PPP2R3A: variants seen among roughly 807,000 people sequenced by gnomAD.
PPP2R3A encodes the protein protein phosphatase 2 regulatory subunit B''alpha, also known as serine/threonine-protein phosphatase 2A regulatory subunit B'' subunit alpha.
PPP2R3A carries 80 observed loss-of-function variants against 106.9 expected under a neutral mutation model. The observed-to-expected ratio is 0.75, with a 90% CI of 0.62 to 0.90. The LOEUF is 0.90. Ranked by LOEUF, PPP2R3A falls within the 40% of genes least tolerant of loss-of-function variation. The pLI is 0.00. For synonymous variants in PPP2R3A, 483 were observed against 468.3 expected (o/e 1.03, Z -0.41); for missense variants, 1,386 against 1,350.4 (o/e 1.03, Z -0.41).
intron 5 of PPP2R3A, among the ~76,000 whole-genome samples, chr3:136,049,966 C>T (rs1382496553): frequency 6.6e-6 from 1 of 152,038 alleles, no homozygotes; most frequent in Non-Finnish European, 1.5e-5. Flanking sequence ...GACTACACCA[C>T]CAGACTACAA....
At chr3:135,991,552 A>C (rs1430021132) in intron 1 of PPP2R3A, among the ~76,000 whole-genome samples, 1 of 152,206 alleles carries the variant, frequency 6.6e-6, no homozygotes, top group Admixed American at 6.5e-5. Context: ...ACATGCATTA[A>C]ATATTAATAG....
chr3:136,064,930 G>C (rs1936213599), intron 5 of PPP2R3A, among the ~76,000 whole-genome samples: 1 of 152,040 alleles, frequency 6.6e-6, no homozygotes, highest in Non-Finnish European at 1.5e-5. Flanking sequence ...ATAATCTATA[G>C]AAAATTTTAT....
intron 13 of PPP2R3A, among the ~76,000 whole-genome samples, chr3:136,143,659 A>G (rs530425604): frequency 1.3e-5 from 2 of 151,352 alleles, no homozygotes; most frequent in African/African-American, 4.9e-5. Context: ...GCATGGTGGC[A>G]CATGCCTGTA....
In PPP2R3A at chr3:136,103,416, G is replaced by A. The variant is rs112124774; in HGVS notation, c.3222+40G>A. ...TTAACTTTTATTTGAGGGCTGCAGT[G>A]TCAGGGGCTGTGTGTGCTACATATT... On this transcript the variant is annotated intron_variant, in intron 12 of 13. Transcript: ENST00000264977. 9,463 of 1,389,692 alleles carry A rather than the reference G, an allele frequency of 6.8e-3. 473 individuals carry two copies. The African/African-American group carries it at 0.11, about 17-fold the overall frequency. 86.1% of individuals were successfully genotyped at this position (1,389,692 alleles called of 1,614,324 possible). A position where few individuals can be genotyped will look rare whatever the true frequency, so the allele number is the denominator to read the frequency against.
intron 13 of PPP2R3A, among the ~76,000 whole-genome samples, chr3:136,126,546 A>C (rs1330874431): frequency 6.6e-6 from 1 of 152,128 alleles, no homozygotes; most frequent in Non-Finnish European, 1.5e-5. Flanking sequence ...TCTAGACTCC[A>C]CCTCTATGGG....
chr3:136,075,886 T>C (rs1460181675), intron 6 of PPP2R3A, among the ~76,000 whole-genome samples: 1 of 152,220 alleles, frequency 6.6e-6, no homozygotes, highest in African/African-American at 2.4e-5. Flanking sequence ...ATCAAATTCT[T>C]AATGTTTATT....
intron 13 of PPP2R3A, among the ~76,000 whole-genome samples, chr3:136,131,994 A>C (rs936196588): frequency 8.1e-6 from 1 of 123,524 alleles, no homozygotes; most frequent in South Asian, 3.1e-4. Flanking sequence ...GGGGAACATC[A>C]CACACCAGGG....
rs369818123 is a variant in PPP2R3A, at chr3:136,108,214, C to A, written c.3329+1892C>A. ...GCCTGCAGAGCTAGCTAGACCCTGA[C>A]ACACACACACACAGCAAGTGTGGAT... On this transcript the variant is annotated intron_variant, in intron 13 of 13. Transcript: ENST00000264977. Among the ~76,000 whole-genome samples, 3 of 151,756 alleles carry A rather than the reference C, an allele frequency of 2.0e-5. No homozygotes were observed. The East Asian group carries it at 5.8e-4, about 29-fold the overall frequency.
At chr3:136,083,332 A>T (rs1307520927) in intron 8 of PPP2R3A, among the ~76,000 whole-genome samples, 1 of 152,130 alleles carries the variant, frequency 6.6e-6, no homozygotes, top group Middle Eastern at 3.2e-3. Context: ...TTTCCCATGT[A>T]GTTCTCATGA....
At chr3:136,034,257 G>A (rs928648764) in intron 3 of PPP2R3A, among the ~76,000 whole-genome samples, 3 of 151,966 alleles carry the variant, frequency 2.0e-5, no homozygotes, top group Non-Finnish European at 4.4e-5. Context: ...GGATGGTCTC[G>A]ACCTCTTGAC....
At chr3:136,063,909 A>G (rs1936168922) in intron 5 of PPP2R3A, among the ~76,000 whole-genome samples, 3 of 150,258 alleles carry the variant, frequency 2.0e-5, no homozygotes, top group East Asian at 3.9e-4. Flanking sequence ...CAGCCATCCC[A>G]TTACTGGGTA....
intron 3 of PPP2R3A, among the ~76,000 whole-genome samples, chr3:136,039,704 G>A (rs1935200146): frequency 1.3e-5 from 2 of 152,182 alleles, no homozygotes; most frequent in African/African-American, 4.8e-5. Flanking sequence ...ACAGGCCACG[G>A]ACTGTTACCT....
At chr3:136,106,524 C>T (rs941333249) in intron 13 of PPP2R3A, 4 of 566,252 alleles carry the variant, frequency 7.1e-6, no homozygotes, top group African/African-American at 5.7e-5. Flanking sequence ...TGTCCATTTC[C>T]TTTAATGAGT....
intron 8 of PPP2R3A, 113 bp from the exon 9 acceptor site, chr3:136,087,770 G>A: frequency 3.0e-6 from 2 of 657,392 alleles, no homozygotes; most frequent in Non-Finnish European, 5.3e-6. Context: ...TCTCATCATG[G>A]ACGATGGTTA....
rs778259645 is a variant in PPP2R3A, at chr3:136,106,339, A to G, written c.3329+17A>G. 7.5e-6 allele frequency: 12 copies of G among 1,602,868 alleles called. No homozygotes were observed. Among genetic ancestry groups the G allele is most frequent in the Middle Eastern group, 1.7e-4 (1 of 6,042 alleles). ...CCAGGAAGGGTGAGTAAGTTTCCCT[A>G]TGTCTTATAGAATTTTTAACAGGAA... is the stretch of plus-strand genomic sequence containing the variant. On this transcript the variant is annotated intron_variant, in intron 13 of 13. Coordinates refer to ENST00000264977, the MANE Select transcript of PPP2R3A (RefSeq NM_002718.5).
chr3:136,051,518 C>G (rs1347563352), intron 5 of PPP2R3A, among the ~76,000 whole-genome samples: 2 of 152,026 alleles, frequency 1.3e-5, no homozygotes, highest in Admixed American at 6.5e-5. Context: ...TTAGTAGAGA[C>G]TGGGTTTCAC....
intron 1 of PPP2R3A, among the ~76,000 whole-genome samples, chr3:135,972,350 T>C (rs1937274939): frequency 6.6e-6 from 1 of 152,246 alleles, no homozygotes; most frequent in South Asian, 2.1e-4. Context: ...ATGGATATAC[T>C]ACGTTTTGTT....
At chr3:136,034,788 G>A (rs1233777711) in intron 3 of PPP2R3A, among the ~76,000 whole-genome samples, 2 of 152,094 alleles carry the variant, frequency 1.3e-5, no homozygotes, top group Non-Finnish European at 2.9e-5. Context: ...TTGACTTTCT[G>A]TCTTGACCTG....
At chr3:136,092,776 G>GA (rs902312578) in intron 10 of PPP2R3A, among the ~76,000 whole-genome samples, 19 of 151,774 alleles carry the variant, frequency 1.3e-4, no homozygotes, top group South Asian at 4.2e-4. Flanking sequence ...ATCCAATGGG[G>GA]AAAAAAAACA....
Sources: allele counts gnomAD v4.1 joint callset (sites outside exome capture counted in the v4.1 genomes callset), GRCh38; gene constraint gnomAD v4.1.1; transcripts MANE v1.5; gene names NCBI Gene and HGNC (gene_info 2026-07-23, HGNC 2026-07-21).